The following CNTN5 variants were observed in gnomAD, a reference collection of about 807,000 sequenced individuals.
CNTN5 encodes contactin-5.
CNTN5 carries 77 observed loss-of-function variants against 129.1 expected under a neutral mutation model. The ratio of observed to expected loss-of-function variants is 0.60; its 90% CI spans 0.50 to 0.72. The LOEUF (loss-of-function observed/expected upper bound fraction) is 0.72, where lower values mean the gene tolerates loss of function less well. CNTN5 is among the 30% of genes least tolerant of loss of function. The pLI is 0.00. For synonymous variants in CNTN5, 509 were observed against 465.6 expected (o/e 1.09, Z -1.20); for missense variants, 1,478 against 1,328.8 (o/e 1.11, Z -1.75).
chr11:99,386,466 C>T (rs561110858), intron 2 of CNTN5, among the ~76,000 whole-genome samples: 1 of 152,200 alleles, frequency 6.6e-6, no homozygotes, highest in Non-Finnish European at 1.5e-5. Context: ...CTGACATTGC[C>T]ATGGCATTTG....
intron 3 of CNTN5, among the ~76,000 whole-genome samples, chr11:99,675,463 G>A (rs1435879966): frequency 6.6e-6 from 1 of 152,100 alleles, no homozygotes; most frequent in Non-Finnish European, 1.5e-5. Flanking sequence ...AGGGCAGATT[G>A]CCTGAGCTCG....
intron 3 of CNTN5, among the ~76,000 whole-genome samples, chr11:99,718,007 T>C (rs1943038059): frequency 6.6e-6 from 1 of 152,132 alleles, no homozygotes; most frequent in Admixed American, 6.6e-5. Flanking sequence ...TCAGGTTTAC[T>C]TCCTACATTT....
chr11:99,660,113 A>T (rs553518305), intron 3 of CNTN5, among the ~76,000 whole-genome samples: 2 of 152,114 alleles, frequency 1.3e-5, no homozygotes, highest in African/African-American at 4.8e-5. Flanking sequence ...TTATATAGCT[A>T]TATATAAAAC....
At chr11:99,850,373 G>A (rs1262024155) in intron 6 of CNTN5, among the ~76,000 whole-genome samples, 3 of 152,112 alleles carry the variant, frequency 2.0e-5, no homozygotes, top group Non-Finnish European at 2.9e-5. Flanking sequence ...AGCTTTCGCA[G>A]AAAATGATGA....
intron 8 of CNTN5, among the ~76,000 whole-genome samples, chr11:99,962,023 T>C (rs1950960554): frequency 6.6e-6 from 1 of 152,222 alleles, no homozygotes; most frequent in Non-Finnish European, 1.5e-5. Flanking sequence ...TATGCAATTC[T>C]AAGTTAATAG....
intron 9 of CNTN5, among the ~76,000 whole-genome samples, chr11:100,060,657 A>G (rs7113781): frequency 0.21 from 27,272 of 132,712 alleles, 2,737 homozygotes; most frequent in Middle Eastern, 0.31. Flanking sequence ...TTTTTTTTTT[A>G]AGATGGAGTT....
intron 3 of CNTN5, among the ~76,000 whole-genome samples, chr11:99,761,183 G>A (rs1322295836): frequency 1.3e-5 from 2 of 152,100 alleles, no homozygotes; most frequent in African/African-American, 4.8e-5. Flanking sequence ...AGGCTGTTCA[G>A]AGTTGAAGGA....
At chr11:99,998,719 C>G (rs1019510948) in intron 8 of CNTN5, among the ~76,000 whole-genome samples, 43 of 141,602 alleles carry the variant, frequency 3.0e-4, no homozygotes, top group African/African-American at 1.1e-3. Flanking sequence ...GCCAAAAGAA[C>G]AAAGCTGGAG....
At chr11:100,297,564 T>G in intron 18 of CNTN5, 61 bp from the exon 19 acceptor site, 1 of 1,236,546 alleles carries the variant, frequency 8.1e-7, no homozygotes, top group Non-Finnish European at 1.1e-6. Flanking sequence ...TATCTCAGGA[T>G]TTTATCCAAC....
At chr11:99,681,080 G>A (rs980500338) in intron 3 of CNTN5, among the ~76,000 whole-genome samples, 11 of 151,964 alleles carry the variant, frequency 7.2e-5, no homozygotes, top group African/African-American at 2.7e-4. Context: ...TGACTGAATT[G>A]CTACAATCTC....
chr11:100,008,825 A>G (rs1940342957), intron 9 of CNTN5, among the ~76,000 whole-genome samples: 1 of 152,066 alleles, frequency 6.6e-6, no homozygotes, highest in African/African-American at 2.4e-5. Context: ...TCGATAAGCC[A>G]AATTAGGAAA....
intron 7 of CNTN5, among the ~76,000 whole-genome samples, chr11:99,926,433 T>G (rs939873316): frequency 2.6e-5 from 4 of 152,164 alleles, no homozygotes; most frequent in African/African-American, 9.6e-5. Flanking sequence ...CCAGAAATTG[T>G]TCCTTTAAAG....
At chr11:99,242,468 A>G (rs2135762362) in intron 1 of CNTN5, among the ~76,000 whole-genome samples, 1 of 152,236 alleles carries the variant, frequency 6.6e-6, no homozygotes, top group South Asian at 2.1e-4. Flanking sequence ...AAGCTCCATT[A>G]GGGCAAACTT....
intron 6 of CNTN5, among the ~76,000 whole-genome samples, chr11:99,912,040 C>A (rs76565871): frequency 0.02 from 3,021 of 151,868 alleles, 45 homozygotes; most frequent in Non-Finnish European, 0.032. Flanking sequence ...TATTTGTTTA[C>A]TTATTATTAT....
chr11:99,939,973 GGCAACCA>G (rs1950398730), intron 7 of CNTN5, among the ~76,000 whole-genome samples: 1 of 152,144 alleles, frequency 6.6e-6, no homozygotes, highest in South Asian at 2.1e-4. Context: ...CCAAATGGTT[GGCAACCA>G]GAATATTTCA....
chr11:99,547,695 T>G (rs2135513562), intron 2 of CNTN5, among the ~76,000 whole-genome samples: 1 of 152,344 alleles, frequency 6.6e-6, no homozygotes, highest in East Asian at 1.9e-4. Flanking sequence ...CTTCAGCCAC[T>G]TTCTCTTAAT....
chr11:99,423,179 C>T (rs1490815540), intron 2 of CNTN5, among the ~76,000 whole-genome samples: 1 of 152,074 alleles, frequency 6.6e-6, no homozygotes, highest in African/African-American at 2.4e-5. Flanking sequence ...GACTATTTGT[C>T]ACATATACTT....
intron 16 of CNTN5, among the ~76,000 whole-genome samples, chr11:100,237,929 A>C (rs1949655487): frequency 6.6e-6 from 1 of 152,140 alleles, no homozygotes; most frequent in Admixed American, 6.5e-5. Flanking sequence ...GTACCTAACA[A>C]ATTAGGAAGA....
intron 1 of CNTN5, among the ~76,000 whole-genome samples, chr11:99,323,666 T>A (rs79441136): frequency 0.081 from 12,261 of 152,092 alleles, 591 homozygotes; most frequent in Middle Eastern, 0.11. Flanking sequence ...CCAAAAACAT[T>A]CATCTTAATG....
Sources: allele counts gnomAD v4.1 joint callset (sites outside exome capture counted in the v4.1 genomes callset), GRCh38; gene constraint gnomAD v4.1.1; transcripts MANE v1.5; gene names NCBI Gene and HGNC (gene_info 2026-07-23, HGNC 2026-07-21).